PRKCI: variants seen among roughly 807,000 people sequenced by gnomAD.
PRKCI encodes the protein protein kinase C iota type.
PRKCI carries 43 observed loss-of-function variants against 84.0 expected under a neutral mutation model. The ratio of observed to expected loss-of-function variants is 0.51; its 90% CI spans 0.40 to 0.66. The LOEUF is 0.66. Among genes scored for constraint, PRKCI ranks in the 30% least tolerant of loss-of-function variants. The pLI is 0.00. For synonymous variants in PRKCI, 216 were observed against 234.4 expected (o/e 0.92, Z 0.72); for missense variants, 459 against 745.6 (o/e 0.62, Z 4.48).
Position 170,297,360 on chromosome 3 carries a change from A to C in PRKCI, c.1554A>C (p.Gly518=), listed in dbSNP as rs765519388. 4 of 1,613,510 alleles carry C rather than the reference A, an allele frequency of 2.5e-6. No individual in the cohort carries two copies. The highest frequency in any genetic ancestry group is 3.4e-6 in the Non-Finnish European group (4 of 1,179,692). Reference sequence around the variant, plus strand: ...AAACAGGATTTGCTGATATTCAGGGACACCCGTTCTTCCGAAATGTTGATT... The same window carrying C: ...AAACAGGATTTGCTGATATTCAGGGCCACCCGTTCTTCCGAAATGTTGATT... The part of the protein sequence containing the change: ...HPQTGFADIQ[G]HPFFRNVDWD... The change falls in exon 16 of 18, where the codon GGA becomes GGC. Residue 518 remains glycine (G), a synonymous_variant. Transcript: ENST00000295797.
rs1318118797 is a variant in PRKCI at position 170,304,981 on chromosome 3, T to C, written c.*1854T>C. The C allele has an allele frequency of 6.6e-6, 1 of 152,208 alleles. No homozygotes were observed. 9.4% of individuals were successfully genotyped at this position (152,208 alleles called of 1,614,324 possible). On this transcript the variant is annotated 3_prime_UTR_variant, in exon 18 of 18. Coordinates refer to ENST00000295797, the MANE Select transcript of PRKCI (RefSeq NM_002740.6). Reference sequence around the variant, plus strand: ...AGCTATATACTCTCTTTCCTTCAAATAACATAAGTCTGAAAGCAATGAAAA... The same window carrying C: ...AGCTATATACTCTCTTTCCTTCAAACAACATAAGTCTGAAAGCAATGAAAA...
intron 17 of PRKCI, among the ~76,000 whole-genome samples, chr3:170,300,964 G>A (rs1183162446): frequency 2.0e-5 from 3 of 152,132 alleles, no homozygotes; most frequent in African/African-American, 4.8e-5. Context: ...GTTCATGACA[G>A]CCTTCTTTTT....
intron 12 of PRKCI, among the ~76,000 whole-genome samples, chr3:170,289,555 C>T (rs1378410536): frequency 6.6e-6 from 1 of 152,124 alleles, no homozygotes; most frequent in Non-Finnish European, 1.5e-5. Context: ...GAGTGAATCA[C>T]CTGAGGTCAG....
At chr3:170,230,342 GT>G (rs1732752714) in intron 1 of PRKCI, among the ~76,000 whole-genome samples, 1 of 151,466 alleles carries the variant, frequency 6.6e-6, no homozygotes, top group South Asian at 2.1e-4. Context: ...ATTTTTGTTT[GT>G]TTTTTGAGAC....
chr3:170,285,322 GC>G (rs1734352646), intron 12 of PRKCI, among the ~76,000 whole-genome samples: 1 of 151,942 alleles, frequency 6.6e-6, no homozygotes, highest in African/African-American at 2.4e-5. Flanking sequence ...CTCATGATCC[GC>G]CTGCCTCAGC....
intron 7 of PRKCI, among the ~76,000 whole-genome samples, chr3:170,273,685 CA>C: frequency 6.6e-6 from 1 of 151,702 alleles, no homozygotes; most frequent in East Asian, 1.9e-4. Flanking sequence ...TGTGGTGGCA[CA>C]CTCCTGTAGT....
chr3:170,256,917 T>C (rs1160286130), intron 2 of PRKCI, among the ~76,000 whole-genome samples: 9 of 152,166 alleles, frequency 5.9e-5, no homozygotes, highest in Admixed American at 5.9e-4. Flanking sequence ...TTTTCTTAAT[T>C]TTGTATTGAC....
intron 12 of PRKCI, among the ~76,000 whole-genome samples, chr3:170,288,117 A>G (rs1734445743): frequency 6.6e-6 from 1 of 151,154 alleles, no homozygotes; most frequent in Admixed American, 6.6e-5. Flanking sequence ...GTGGTGGCGG[A>G]CGCCTGTAGT....
intron 1 of PRKCI, among the ~76,000 whole-genome samples, chr3:170,232,864 G>A (rs1040235643): frequency 6.6e-6 from 1 of 152,164 alleles, no homozygotes; most frequent in African/African-American, 2.4e-5. Context: ...GAACTTCAAA[G>A]AGATTTCTCT....
At chr3:170,296,118 A>T in intron 15 of PRKCI, 128 bp downstream of exon 15, 1 of 466,528 alleles carries the variant, frequency 2.1e-6, no homozygotes. Context: ...TTTGACCCAG[A>T]ATTTGTCTCT....
intron 3 of PRKCI, among the ~76,000 whole-genome samples, chr3:170,261,456 TTTTAAAA>T (rs1414237362): frequency 6.9e-6 from 1 of 145,706 alleles, no homozygotes; most frequent in African/African-American, 2.7e-5. Flanking sequence ...AGTGTTTTTT[TTTTAAAA>T]AAAAAAAAAA....
chr3:170,297,866 T>A (rs938520176), intron 16 of PRKCI, among the ~76,000 whole-genome samples: 3 of 151,636 alleles, frequency 2.0e-5, no homozygotes, highest in Non-Finnish European at 2.9e-5. Context: ...AAAAATTCAA[T>A]TTTTTTTTAA....
chr3:170,238,596 T>TC (rs1303269038), intron 2 of PRKCI, among the ~76,000 whole-genome samples: 1 of 145,984 alleles, frequency 6.9e-6, no homozygotes, highest in African/African-American at 2.5e-5. Flanking sequence ...TTTCTTTTCT[T>TC]TTTTTTTTTT....
At chr3:170,235,553 G>A (rs1732949189) in intron 2 of PRKCI, among the ~76,000 whole-genome samples, 1 of 149,724 alleles carries the variant, frequency 6.7e-6, no homozygotes, top group South Asian at 2.1e-4. Context: ...AAAATGATGT[G>A]AAATTAACTT....
chr3:170,266,198 C>CT (rs1251465139), intron 4 of PRKCI, among the ~76,000 whole-genome samples: 3 of 152,092 alleles, frequency 2.0e-5, no homozygotes, highest in African/African-American at 7.2e-5. Flanking sequence ...ACCTCTTTCT[C>CT]TAACTATATT....
intron 1 of PRKCI, among the ~76,000 whole-genome samples, chr3:170,225,561 A>T (rs374614339): frequency 9.4e-5 from 14 of 149,620 alleles, no homozygotes; most frequent in Admixed American, 9.3e-4. Context: ...ATCCCTCTAC[A>T]CTTTTCTTTT....
At chr3:170,265,714 A>G (rs188104503) in intron 4 of PRKCI, among the ~76,000 whole-genome samples, 1 of 150,780 alleles carries the variant, frequency 6.6e-6, no homozygotes, top group East Asian at 1.9e-4. Context: ...TCCTGGGTTC[A>G]TGCCATTCAG....
intron 14 of PRKCI, among the ~76,000 whole-genome samples, chr3:170,294,991 C>T (rs1006174914): frequency 6.6e-6 from 1 of 151,898 alleles, no homozygotes; most frequent in East Asian, 1.9e-4. Context: ...GGGCGGATCA[C>T]TTGAGGTTAG....
chr3:170,290,070 C>A (rs1165825101), intron 12 of PRKCI, among the ~76,000 whole-genome samples: 10 of 146,796 alleles, frequency 6.8e-5, no homozygotes, highest in Non-Finnish European at 1.2e-4. Context: ...GAAACTCGGT[C>A]TCAAAAAAAA....
Sources: allele counts gnomAD v4.1 joint callset (sites outside exome capture counted in the v4.1 genomes callset), GRCh38; gene constraint gnomAD v4.1.1; transcripts MANE v1.5; gene names NCBI Gene and HGNC (gene_info 2026-07-23, HGNC 2026-07-21).